The following STK24 variants were observed in gnomAD, a reference collection of about 807,000 sequenced individuals.
STK24 encodes serine/threonine-protein kinase 24.
Under a neutral mutation model 55.6 loss-of-function variants are expected in STK24, and 21 were observed. The observed-to-expected ratio is 0.38, with a 90% CI of 0.27 to 0.54. The LOEUF is 0.54. Among genes scored for constraint, STK24 ranks in the 20% least tolerant of loss-of-function variants. The pLI is 0.79. For missense variants in STK24, 383 were observed against 538.4 expected (o/e 0.71, Z 2.86); for synonymous variants, 200 against 215.2 (o/e 0.93, Z 0.62).
At chr13:98,506,971 A>C (rs1301419033) in intron 2 of STK24, among the ~76,000 whole-genome samples, 3 of 152,282 alleles carry the variant, frequency 2.0e-5, no homozygotes, top group African/African-American at 7.2e-5. Flanking sequence ...ACCTCACTGG[A>C]CACATGCAAA....
chr13:98,463,732 G>C lies in STK24; in HGVS notation c.888C>G (p.Ala296=), dbSNP rs769204166. The change falls in exon 7 of 11, where the codon GCC becomes GCG. Residue 296 remains alanine (A), a synonymous_variant. Coordinates refer to ENST00000539966, the MANE Select transcript of STK24 (RefSeq NM_001032296.4). ...ELIDRYKRWK[A]EQSHDDSSSE... The stretch of plus-strand genomic sequence containing the variant: ...AGCTCGAGTCGTCATGGCTCTGCTC[G>C]GCCTTCCATCTCTTGTACCTGTCGA... The C allele has an allele frequency of 5.6e-6, 9 of 1,614,134 alleles. No homozygotes were observed. Among genetic ancestry groups the C allele is most frequent in the Non-Finnish European group, 7.6e-6 (9 of 1,180,006 alleles).
intron 3 of STK24, among the ~76,000 whole-genome samples, chr13:98,476,662 T>A (rs1316126230): frequency 6.6e-6 from 1 of 152,188 alleles, no homozygotes; most frequent in Non-Finnish European, 1.5e-5. Context: ...GAAGTACTTG[T>A]GGGGTGCAGT....
intron 3 of STK24, among the ~76,000 whole-genome samples, chr13:98,480,066 G>A (rs982923420): frequency 2.6e-4 from 40 of 152,140 alleles, no homozygotes; most frequent in Admixed American, 2.2e-3. Flanking sequence ...TAAATGAGAC[G>A]ATTAGGGGCA....
At chr13:98,488,038 C>T (rs1055633722) in intron 2 of STK24, among the ~76,000 whole-genome samples, 2 of 152,016 alleles carry the variant, frequency 1.3e-5, no homozygotes, top group African/African-American at 4.8e-5. Flanking sequence ...CCACGATTCA[C>T]ATGTTGGAGT....
intron 3 of STK24, among the ~76,000 whole-genome samples, chr13:98,481,227 T>C (rs746697868): frequency 2.2e-4 from 33 of 152,268 alleles, no homozygotes; most frequent in Non-Finnish European, 2.8e-4. Flanking sequence ...TGACTTCAGC[T>C]GTGCTCATGA....
intron 1 of STK24, among the ~76,000 whole-genome samples, chr13:98,561,032 T>C (rs554720482): frequency 6.6e-6 from 1 of 152,092 alleles, no homozygotes; most frequent in East Asian, 1.9e-4. Context: ...CTGTCTTGAG[T>C]GAATGCTCAC....
intron 1 of STK24, among the ~76,000 whole-genome samples, chr13:98,535,378 T>C (rs1346074623): frequency 7.3e-6 from 1 of 136,504 alleles, no homozygotes; most frequent in Non-Finnish European, 1.5e-5. Context: ...AAAATATATA[T>C]ATATATATAT....
At chr13:98,503,601 G>A (rs1594618741) in intron 2 of STK24, among the ~76,000 whole-genome samples, 2 of 152,338 alleles carry the variant, frequency 1.3e-5, no homozygotes, top group South Asian at 4.1e-4. Flanking sequence ...AGTGGGAGAC[G>A]TGGAAAGGAG....
chr13:98,500,327 C>T (rs1409536505), intron 2 of STK24, among the ~76,000 whole-genome samples: 1 of 152,180 alleles, frequency 6.6e-6, no homozygotes, highest in Non-Finnish European at 1.5e-5. Flanking sequence ...TTTCCTAAGG[C>T]CTCATCTTCC....
intron 1 of STK24, among the ~76,000 whole-genome samples, chr13:98,575,036 A>G (rs1897845118): frequency 6.6e-6 from 1 of 152,262 alleles, no homozygotes; most frequent in African/African-American, 2.4e-5. Context: ...TGAACACGGT[A>G]TAAATATCAA....
chr13:98,465,254 G>T (rs1893883798), intron 6 of STK24, among the ~76,000 whole-genome samples: 1 of 152,220 alleles, frequency 6.6e-6, no homozygotes, highest in South Asian at 2.1e-4. Flanking sequence ...TGAGAAACGT[G>T]GATCACCTCA....
At chr13:98,510,774 AT>A (rs1895853971) in intron 2 of STK24, among the ~76,000 whole-genome samples, 1 of 152,212 alleles carries the variant, frequency 6.6e-6, no homozygotes, top group African/African-American at 2.4e-5. Context: ...GTGAATGATG[AT>A]GGGTAGAGTA....
chr13:98,508,125 C>T (rs9554477), intron 2 of STK24, among the ~76,000 whole-genome samples: 50,126 of 151,836 alleles, frequency 0.33, 8,410 homozygotes, highest in East Asian at 0.42. Context: ...CTTGCTACTT[C>T]AAATACTAAA....
rs1893270890 is a variant in STK24 at position 98,453,054 on chromosome 13, G to A, written c.*119C>T. 29 of 1,160,150 alleles carry A rather than the reference G, an allele frequency of 2.5e-5. No homozygotes were observed. The South Asian group carries it at 3.8e-4, about 15-fold the overall frequency. 71.9% of individuals were successfully genotyped at this position (1,160,150 alleles called of 1,614,324 possible). A position where few individuals can be genotyped will look rare whatever the true frequency, so the allele number is the denominator to read the frequency against. On this transcript the variant is annotated 3_prime_UTR_variant, in exon 11 of 11. Transcript: ENST00000539966. The stretch of plus-strand genomic sequence containing the variant: ...CCCTGGACGGGCGCCTGGCGCTGGG[G>A]TGGCTCCCAGTGGCGCACCTCTTCG...
At chr13:98,463,466 C>T (rs1267135219) in intron 7 of STK24, among the ~76,000 whole-genome samples, 2 of 152,144 alleles carry the variant, frequency 1.3e-5, no homozygotes, top group African/African-American at 4.8e-5. Context: ...TCCCCATGCA[C>T]AGCTCTACCA....
intron 1 of STK24, among the ~76,000 whole-genome samples, chr13:98,547,906 C>T (rs1261949100): frequency 2.0e-5 from 3 of 152,168 alleles, no homozygotes; most frequent in Non-Finnish European, 4.4e-5. Flanking sequence ...AGTTCTTATC[C>T]ACACAGAGCA....
intron 1 of STK24, among the ~76,000 whole-genome samples, chr13:98,569,784 A>G (rs1897690167): frequency 6.6e-6 from 1 of 151,434 alleles, no homozygotes. Context: ...TGAGGAAAAG[A>G]GGCAAGCGGA....
intron 3 of STK24, among the ~76,000 whole-genome samples, chr13:98,476,800 C>T (rs563341833): frequency 6.6e-6 from 1 of 152,330 alleles, no homozygotes; most frequent in South Asian, 2.1e-4. Flanking sequence ...CACAGCAATC[C>T]CAGGGTCAGG....
chr13:98,461,081 GTACTT>G (rs1057102654), intron 8 of STK24, among the ~76,000 whole-genome samples: 3 of 148,472 alleles, frequency 2.0e-5, no homozygotes, highest in Admixed American at 6.7e-5. Context: ...AGAGAGAAAA[GTACTT>G]TACTAATGAA....
Sources: allele counts gnomAD v4.1 joint callset (sites outside exome capture counted in the v4.1 genomes callset), GRCh38; gene constraint gnomAD v4.1.1; transcripts MANE v1.5; gene names NCBI Gene and HGNC (gene_info 2026-07-23, HGNC 2026-07-21).